Variants in SENP5 observed in about 807,000 individuals in gnomAD.
SENP5 encodes the protein sentrin-specific protease 5.
In SENP5, 21 loss-of-function variants were observed where a neutral mutation model predicts 74.2. The ratio of observed to expected loss-of-function variants is 0.28; its 90% CI spans 0.20 to 0.41. The LOEUF is 0.41. Among genes scored for constraint, SENP5 ranks in the 10% least tolerant of loss-of-function variants. SENP5 has a pLI of 1.00. For synonymous variants in SENP5, 311 were observed against 312.7 expected (o/e 0.99, Z 0.06); for missense variants, 717 against 889.1 (o/e 0.81, Z 2.46).
chr3:196,892,775 T>A (rs1714268746), intron 2 of SENP5, among the ~76,000 whole-genome samples: 1 of 152,174 alleles, frequency 6.6e-6, no homozygotes, highest in African/African-American at 2.4e-5. Context: ...TGAGTTTGAC[T>A]TTAGATTCCA....
At chr3:196,914,018 C>G (rs766585101) in intron 6 of SENP5, 2 of 152,146 alleles carry the variant, frequency 1.3e-5, no homozygotes, top group Non-Finnish European at 2.9e-5. Flanking sequence ...GAAAACCACA[C>G]TGAGTGACAG....
intron 2 of SENP5, among the ~76,000 whole-genome samples, chr3:196,893,288 A>G (rs1392210521): frequency 6.6e-6 from 1 of 152,204 alleles, no homozygotes; most frequent in African/African-American, 2.4e-5. Context: ...ATTTTTGCCC[A>G]TAATAGGAAG....
At chr3:196,876,592 A>G (rs896546284) in intron 1 of SENP5, among the ~76,000 whole-genome samples, 2 of 151,866 alleles carry the variant, frequency 1.3e-5, no homozygotes, top group Admixed American at 1.3e-4. Flanking sequence ...AAATACACAA[A>G]TTGGAAGACA....
At position 196,878,143 on chromosome 3, in the gene SENP5, G is replaced by T. The variant is rs73891554; in HGVS notation, c.-31-7008G>T. Among the ~76,000 whole-genome samples, 1,079 of 152,316 alleles carry T rather than the reference G, an allele frequency of 7.1e-3. 8 individuals carry two copies. Among genetic ancestry groups the T allele is most frequent in the African/African-American group, 0.025 (1,023 of 41,568 alleles). On this transcript the variant is annotated intron_variant, in intron 1 of 9. Coordinates refer to ENST00000323460, the MANE Select transcript of SENP5 (RefSeq NM_152699.5). The stretch of plus-strand genomic sequence containing the variant: ...ACTAATTCGCCAACTTGAGAAAGCT[G>T]TATCCTAAACCAACAGTGGAGAGAG...
intron 6 of SENP5, among the ~76,000 whole-genome samples, chr3:196,915,833 T>G (rs999617129): frequency 2.6e-5 from 4 of 152,214 alleles, no homozygotes; most frequent in Non-Finnish European, 5.9e-5. Flanking sequence ...AGGGTCACAG[T>G]CTTACTGGGC....
In SENP5 at chr3:196,900,174, C is replaced by T. The variant is rs190237289; in HGVS notation, c.1758+112C>T. ...TCTTTTGGAATAAGGATTCTTCATT[C>T]TTTACTGGTTACTTGCCCCAGGATC... is the stretch of plus-strand genomic sequence containing the variant. On this transcript the variant is annotated intron_variant, in intron 4 of 9. Coordinates refer to ENST00000323460, the MANE Select transcript of SENP5 (RefSeq NM_152699.5). 9.9e-4 allele frequency: 1,357 copies of T among 1,374,704 alleles called. 4 individuals are homozygous for T. The highest frequency in any genetic ancestry group is 3.1e-3 in the Admixed American group (127 of 41,442). The allele number at this position is 1,374,704 out of a possible 1,614,324, so 85.2% of individuals were successfully genotyped here.
intron 6 of SENP5, among the ~76,000 whole-genome samples, chr3:196,917,239 A>T (rs556192722): frequency 2.2e-4 from 33 of 152,134 alleles, no homozygotes; most frequent in African/African-American, 7.7e-4. Context: ...AAATTGATCA[A>T]GCAGAAGAAA....
chr3:196,913,380 C>T (rs1715215740), intron 6 of SENP5: 1 of 151,672 alleles, frequency 6.6e-6, no homozygotes, highest in Non-Finnish European at 1.5e-5. Context: ...CCAGCCTGGC[C>T]AAGATAGTGA....
At chr3:196,917,857 T>C (rs1715445944) in intron 6 of SENP5, among the ~76,000 whole-genome samples, 1 of 151,930 alleles carries the variant, frequency 6.6e-6, no homozygotes, top group Non-Finnish European at 1.5e-5. Flanking sequence ...CAATAAGAAA[T>C]CATCCAAAGG....
At position 196,885,276 on chromosome 3, in the gene SENP5, A is replaced by AT; in HGVS notation, c.99dup (p.His34SerfsTer10). ...GGGTTTGGAGGCTTTAAGAAGTTTT[A>AT]TTTTCACCAACACTTGTGCATTCTG... On this transcript the variant is annotated frameshift_variant, in exon 2 of 10. Transcript: ENST00000323460. LOFTEE classifies it high-confidence loss of function. 1 of 1,614,102 alleles carries AT rather than the reference A, an allele frequency of 6.2e-7. No homozygotes were observed. The highest frequency in any genetic ancestry group is 8.5e-7 in the Non-Finnish European group (1 of 1,179,988).
rs185568710 is a variant in SENP5 at position 196,903,789 on chromosome 3, T to C, written c.1884+179T>C. ...TGTTTGAAAGACCTTAATTGCCTAC[T>C]GGTCCCAATTATAGTGGTAGAACAG... On this transcript the variant is annotated intron_variant, in intron 6 of 9. Transcript: ENST00000323460. Among the ~76,000 whole-genome samples, 5 of 152,400 alleles carry C rather than the reference T, an allele frequency of 3.3e-5. No homozygotes were observed. The East Asian group carries it at 9.6e-4, about 29-fold the overall frequency.
At chr3:196,870,784 C>T (rs1358716015) in intron 1 of SENP5, among the ~76,000 whole-genome samples, 2 of 151,974 alleles carry the variant, frequency 1.3e-5, no homozygotes, top group African/African-American at 2.4e-5. Flanking sequence ...TCCCAAAGCG[C>T]GGGGATTACA....
chr3:196,886,523 C>G lies in SENP5; in HGVS notation c.1342C>G (p.Leu448Val). Residue 448 changes from leucine (L) to valine (V), a missense_variant, in exon 2 of 10, where the codon CTC becomes GTC. Leu to Val is a conservative substitution (Grantham distance 32). Transcript: ENST00000323460. ...ATACCAGATGGAGGAGGATGGATCTCTCAAGCAGAGCATTCTTAGTTCTGA... is the reference window on the plus strand; with the variant it reads ...ATACCAGATGGAGGAGGATGGATCTGTCAAGCAGAGCATTCTTAGTTCTGA... ...NSYQMEEDGS[L>V]KQSILSSELL... 6.2e-7 allele frequency: 1 copy of G among 1,613,722 alleles called. No homozygotes were observed. The highest frequency in any genetic ancestry group is 2.2e-5 in the East Asian group (1 of 44,878).
intron 2 of SENP5, among the ~76,000 whole-genome samples, chr3:196,890,926 C>T (rs1362604875): frequency 3.9e-5 from 6 of 152,078 alleles, no homozygotes; most frequent in African/African-American, 1.4e-4. Flanking sequence ...GGGATAGATT[C>T]CTGTGCCGCA....
chr3:196,883,326 C>T (rs534385007), intron 1 of SENP5, among the ~76,000 whole-genome samples: 11 of 152,098 alleles, frequency 7.2e-5, no homozygotes, highest in African/African-American at 2.4e-4. Flanking sequence ...GTTTTTTCTC[C>T]GTGAATGATC....
At chr3:196,883,851 G>A (rs1713831578) in intron 1 of SENP5, among the ~76,000 whole-genome samples, 1 of 152,032 alleles carries the variant, frequency 6.6e-6, no homozygotes, top group South Asian at 2.1e-4. Flanking sequence ...ATCATGCCTG[G>A]CTAATTATTT....
chr3:196,879,473 T>G (rs777427901), intron 1 of SENP5, among the ~76,000 whole-genome samples: 6 of 152,252 alleles, frequency 3.9e-5, no homozygotes, highest in Non-Finnish European at 5.9e-5. Context: ...TCATACACTT[T>G]AGAAATTCTA....
intron 2 of SENP5, among the ~76,000 whole-genome samples, chr3:196,891,893 C>G (rs202089470): frequency 6.6e-6 from 1 of 151,810 alleles, no homozygotes; most frequent in Admixed American, 6.6e-5. Flanking sequence ...TGGGTTCAAG[C>G]GATTCTCCTG....
intron 1 of SENP5, among the ~76,000 whole-genome samples, chr3:196,875,904 G>A (rs2108806237): frequency 6.6e-6 from 1 of 151,678 alleles, no homozygotes; most frequent in Admixed American, 6.6e-5. Flanking sequence ...TATTTTTTTT[G>A]GAGACAGGAT....
Sources: allele counts gnomAD v4.1 joint callset (sites outside exome capture counted in the v4.1 genomes callset), GRCh38; gene constraint gnomAD v4.1.1; transcripts MANE v1.5; gene names NCBI Gene and HGNC (gene_info 2026-07-23, HGNC 2026-07-21).